Variants in FAT1 observed in about 807,000 individuals in gnomAD.
The protein encoded by FAT1 is protocadherin Fat 1.
Under a neutral mutation model 329.8 loss-of-function variants are expected in FAT1, and 171 were observed. The ratio of observed to expected loss-of-function variants is 0.52; its 90% CI spans 0.46 to 0.59. FAT1 has a LOEUF of 0.59. Ranked by LOEUF, FAT1 falls within the 20% of genes least tolerant of loss-of-function variation. The pLI, the probability that FAT1 is intolerant of heterozygous loss-of-function variation, is 0.00. For missense variants in FAT1, 5,672 were observed against 5,774.4 expected (o/e 0.98, Z 0.57); for synonymous variants, 2,233 against 2,228.6 (o/e 1.00, Z -0.06).
rs149032735 is a variant in FAT1 at position 186,692,081 on chromosome 4, A to G, written c.3265+14482T>C. On this transcript the variant is annotated intron_variant, in intron 2 of 26. Coordinates refer to ENST00000441802, the MANE Select transcript of FAT1 (RefSeq NM_005245.4). ...TTTCTTCCCCCCCATGTATATGTCA[A>G]TGTGTTCAAAGACATCCACTCCCAA... Among the ~76,000 whole-genome samples the G allele has an allele frequency of 4.6e-3, 699 of 152,274 alleles. 6 individuals carry two copies. Among genetic ancestry groups the G allele is most frequent in the African/African-American group, 0.016 (647 of 41,564 alleles).
At chr4:186,717,721 C>G (rs769263171) in intron 1 of FAT1, among the ~76,000 whole-genome samples, 1 of 152,160 alleles carries the variant, frequency 6.6e-6, no homozygotes, top group Non-Finnish European at 1.5e-5. Flanking sequence ...ACGAAGATGA[C>G]GGGTTCTAGT....
At chr4:186,646,243 G>GAAA (rs1741378910) in intron 3 of FAT1, among the ~76,000 whole-genome samples, 1 of 152,000 alleles carries the variant, frequency 6.6e-6, no homozygotes, top group African/African-American at 2.4e-5. Context: ...GCACAGGAAG[G>GAAA]GAAAAAGATC....
chr4:186,711,412 C>A (rs1400529582), intron 1 of FAT1, among the ~76,000 whole-genome samples: 1 of 152,078 alleles, frequency 6.6e-6, no homozygotes, highest in Non-Finnish European at 1.5e-5. Context: ...AATTTTCTCC[C>A]AAAACTATCT....
At chr4:186,721,416 T>C (rs1172978245) in intron 1 of FAT1, among the ~76,000 whole-genome samples, 2 of 152,248 alleles carry the variant, frequency 1.3e-5, no homozygotes, top group African/African-American at 4.8e-5. Flanking sequence ...AAATAAGCAC[T>C]TGCAAACTGA....
rs1273354458 is a variant in FAT1, at chr4:186,617,039, A to G, written c.9041T>C (p.Leu3014Pro). ...AACTGGACTGTTGTCATTTGCATCC[A>G]GAACTTTCACTTCAACTATCGCTTT... ...SSKAIVEVKV[L>P]DANDNSPVCE... The change falls in exon 11 of 27, where the codon CTG becomes CCG. Residue 3014 changes from leucine (L) to proline (P), a missense_variant. Leu to Pro is a moderately conservative substitution (Grantham distance 98). Coordinates refer to ENST00000441802, the MANE Select transcript of FAT1 (RefSeq NM_005245.4). The G allele has an allele frequency of 6.2e-7, 1 of 1,613,746 alleles. No homozygotes were observed. The highest frequency in any genetic ancestry group is 1.3e-5 in the African/African-American group (1 of 74,928).
chr4:186,654,420 CAG>C (rs1295596916), intron 3 of FAT1, among the ~76,000 whole-genome samples: 3 of 152,140 alleles, frequency 2.0e-5, no homozygotes, highest in African/African-American at 7.2e-5. Context: ...GAGAATGAGA[CAG>C]AAAGGGGCAA....
intron 11 of FAT1, 140 bp from the exon 12 acceptor site, chr4:186,614,484 T>G (rs1362264879): frequency 1.7e-6 from 1 of 597,788 alleles, no homozygotes; most frequent in African/African-American, 1.9e-5. Context: ...CCAAGAGCTT[T>G]GAAAACGATT....
At chr4:186,714,817 C>T (rs1423933847) in intron 1 of FAT1, among the ~76,000 whole-genome samples, 3 of 152,216 alleles carry the variant, frequency 2.0e-5, no homozygotes, top group Non-Finnish European at 2.9e-5. Context: ...CGGTGGCTCA[C>T]GCCTGTAATC....
chr4:186,715,191 C>G (rs547705897), intron 1 of FAT1, among the ~76,000 whole-genome samples: 15 of 152,140 alleles, frequency 9.9e-5, no homozygotes, highest in South Asian at 4.2e-4. Context: ...ATGGCCAACA[C>G]GTCAGACTGC....
Position 186,708,160 on chromosome 4 carries a change from T to G in FAT1, c.1668A>C (p.Thr556=). 1 of 1,613,996 alleles carries G rather than the reference T, an allele frequency of 6.2e-7. No individual in the cohort carries two copies. The highest frequency in any genetic ancestry group is 8.5e-7 in the Non-Finnish European group (1 of 1,179,894). Residue 556 remains threonine, a synonymous_variant, in exon 2 of 27, where the codon ACA becomes ACC. Transcript: ENST00000441802. ...TGTCATTCAAGTTATTGAGAGTAAT[T>G]GTAGCAAGGACTTCGACTTCCCGGC... The part of the protein sequence containing the change: ...PYRREVEVLA[T]ITLNNLNDNT...
chr4:186,711,536 G>A (rs1319873028), intron 1 of FAT1, among the ~76,000 whole-genome samples: 2 of 152,046 alleles, frequency 1.3e-5, no homozygotes, highest in Non-Finnish European at 2.9e-5. Context: ...CAGGTATGGA[G>A]GACCTTATCA....
intron 1 of FAT1, among the ~76,000 whole-genome samples, chr4:186,720,419 G>A (rs1344742756): frequency 6.6e-6 from 1 of 152,042 alleles, no homozygotes; most frequent in Non-Finnish European, 1.5e-5. Flanking sequence ...AAGATAACAT[G>A]GTACGGTGAG....
chr4:186,603,731 G>C lies in FAT1; in HGVS notation c.10795C>G (p.Leu3599Val). Residue 3599 changes from leucine to valine, a missense_variant, in exon 19 of 27, where the codon CTG becomes GTG. By Grantham distance (32) the Leu-to-Val change is conservative. Around this residue, in one of 2 missense-constraint regions of FAT1, gnomAD observed 1,706 missense variants for 1,859.1 expected, o/e 0.92. Transcript: ENST00000441802. ...ATGTCTAGCTTTTTGTGTGCTATCA[G>C]CTTGCCCCCTGTGCTGGAAACAGAG... ...LFSVSSTGGK[L>V]IAHKKLDIGQ... 3 of 1,613,960 alleles carry C rather than the reference G, an allele frequency of 1.9e-6. No homozygotes were observed. The highest frequency in any genetic ancestry group is 2.5e-6 in the Non-Finnish European group (3 of 1,179,900).
intron 10 of FAT1, 136 bp downstream of exon 10, chr4:186,617,572 T>G (rs1739771806): frequency 6.8e-6 from 5 of 731,988 alleles, no homozygotes; most frequent in Middle Eastern, 3.9e-4. Flanking sequence ...AGATGTTATT[T>G]CTACGTATTA....
rs201796025 is a variant in FAT1 at position 186,597,657 on chromosome 4, C to A, written c.12368+25G>T. 2.2e-4 allele frequency: 339 copies of A among 1,576,478 alleles called. 2 individuals carry two copies. In the African/African-American group the frequency reaches 3.6e-3, roughly 17 times the overall value. Reference sequence around the variant, plus strand: ...TATGACGCTATGAAAAGGTATGAACCTAAATTTTGAAAGAAACCATTTACC... The same window carrying A: ...TATGACGCTATGAAAAGGTATGAACATAAATTTTGAAAGAAACCATTTACC... On this transcript the variant is annotated intron_variant, in intron 24 of 26. Coordinates refer to ENST00000441802, the MANE Select transcript of FAT1 (RefSeq NM_005245.4).
chr4:186,656,696 A>G (rs1741917682), intron 3 of FAT1, among the ~76,000 whole-genome samples: 1 of 152,178 alleles, frequency 6.6e-6, no homozygotes, highest in African/African-American at 2.4e-5. Context: ...ACAATTTGGG[A>G]GGGACAAAAA....
chr4:186,608,105 C>G (rs1308102532), intron 16 of FAT1, among the ~76,000 whole-genome samples: 1 of 152,138 alleles, frequency 6.6e-6, no homozygotes, highest in East Asian at 1.9e-4. Flanking sequence ...AAAGCAAGAC[C>G]AAAAAATCAG....
chr4:186,657,069 G>A (rs1741936813), intron 3 of FAT1, among the ~76,000 whole-genome samples: 1 of 151,952 alleles, frequency 6.6e-6, no homozygotes, highest in Non-Finnish European at 1.5e-5. Flanking sequence ...AACAGATGAG[G>A]GGACACCCAC....
intron 17 of FAT1, among the ~76,000 whole-genome samples, chr4:186,604,900 G>A (rs1159137178): frequency 6.6e-6 from 1 of 151,696 alleles, no homozygotes; most frequent in African/African-American, 2.4e-5. Context: ...AGGAGTGTAG[G>A]AGAAGAAGAG....
Sources: gnomAD v4.1 joint callset for allele counts (sites outside exome capture counted in the v4.1 genomes callset) on GRCh38, gnomAD v4.1.1 for gene constraint, gnomAD v4.1.1 regional missense constraint, MANE v1.5 for transcripts, NCBI Gene and HGNC (gene_info 2026-07-23, HGNC 2026-07-21) for gene names.